The following GRIN2B variants were observed in gnomAD, a reference collection of about 807,000 sequenced individuals.
GRIN2B encodes the protein glutamate ionotropic receptor NMDA type subunit 2B.
A neutral mutation model predicts 114.5 loss-of-function variants in GRIN2B; 5 were observed. The ratio of observed to expected loss-of-function variants is 0.04; its 90% CI spans 0.02 to 0.09. The LOEUF (loss-of-function observed/expected upper bound fraction) is 0.09. Ranked by LOEUF, GRIN2B falls within the 10% of genes least tolerant of loss-of-function variation. The probability of loss-of-function intolerance (pLI) is 1.00; values close to 1 mark genes in which losing one functional copy is unlikely to be tolerated. For missense variants in GRIN2B, 1,108 were observed against 1,943.5 expected, an observed-to-expected ratio of 0.57 and a Z score of 8.08; for synonymous variants, 787 against 745.1, an observed-to-expected ratio of 1.06 and a Z score of -0.92.
At chr12:13,637,305 A>G (rs1274014827) in intron 5 of GRIN2B, among the ~76,000 whole-genome samples, 2 of 152,196 alleles carry the variant, frequency 1.3e-5, no homozygotes, top group African/African-American at 2.4e-5. Context: ...CTGATGTTTC[A>G]GTGGAAACCT....
intron 4 of GRIN2B, among the ~76,000 whole-genome samples, chr12:13,709,897 C>T (rs919570264): frequency 6.6e-6 from 1 of 151,878 alleles, no homozygotes; most frequent in African/African-American, 2.4e-5. Context: ...TGTACCTATC[C>T]TATAACCAAT....
chr12:13,893,517 G>T (rs576038298), intron 2 of GRIN2B, among the ~76,000 whole-genome samples: 14 of 152,154 alleles, frequency 9.2e-5, no homozygotes, highest in Non-Finnish European at 1.3e-4. Context: ...GATGATAAAT[G>T]TTCATAAATT....
chr12:13,570,104 C>T (rs1043594040), intron 11 of GRIN2B, 87 bp from the exon 12 acceptor site: 1 of 905,386 alleles, frequency 1.1e-6, no homozygotes, highest in Non-Finnish European at 1.8e-6. Flanking sequence ...CAGTAGGGTT[C>T]CAGAAAACTA....
chr12:13,855,566 T>A (rs1357411513), intron 3 of GRIN2B, among the ~76,000 whole-genome samples: 1 of 152,164 alleles, frequency 6.6e-6, no homozygotes, highest in Non-Finnish European at 1.5e-5. Flanking sequence ...CTTCCTTGCC[T>A]CTTCCAGTTT....
At chr12:13,806,162 G>T (rs1864596147) in intron 3 of GRIN2B, among the ~76,000 whole-genome samples, 1 of 151,930 alleles carries the variant, frequency 6.6e-6, no homozygotes, top group Non-Finnish European at 1.5e-5. Flanking sequence ...CCATATCTTG[G>T]CTACTGTGAA....
At chr12:13,976,534 G>A (rs775744422) in intron 2 of GRIN2B, among the ~76,000 whole-genome samples, 7 of 152,240 alleles carry the variant, frequency 4.6e-5, no homozygotes, top group East Asian at 1.9e-4. Flanking sequence ...CAAGACTATC[G>A]TTTGGAACAA....
rs965513077 is a variant in GRIN2B, at chr12:13,545,402, G to A, written c.*17381C>T. On this transcript the variant is annotated 3_prime_UTR_variant, in exon 14 of 14. Coordinates refer to ENST00000609686, the MANE Select transcript of GRIN2B (RefSeq NM_000834.5). ...AGAGGGTATGGACTTTGTGTGGTTC[G>A]TTCTTATATTCCAGCACCTAGAACA... The A allele has an allele frequency of 1.3e-5, 2 of 152,042 alleles. No individual in the cohort carries two copies. The highest frequency in any genetic ancestry group is 1.9e-4 in the East Asian group (1 of 5,194). 9.4% of individuals were successfully genotyped at this position (152,042 alleles called of 1,614,324 possible).
intron 2 of GRIN2B, among the ~76,000 whole-genome samples, chr12:13,964,585 A>T (rs756908878): frequency 6.6e-6 from 1 of 152,262 alleles, no homozygotes; most frequent in Non-Finnish European, 1.5e-5. Context: ...TTAACCTGCC[A>T]TTCATAGATG....
At chr12:13,974,957 G>A (rs1376393535) in intron 2 of GRIN2B, among the ~76,000 whole-genome samples, 1 of 152,114 alleles carries the variant, frequency 6.6e-6, no homozygotes, top group African/African-American at 2.4e-5. Flanking sequence ...AAGAAAGAGA[G>A]GAATCAGTTA....
intron 4 of GRIN2B, among the ~76,000 whole-genome samples, chr12:13,717,298 G>A (rs1950464529): frequency 6.6e-6 from 1 of 151,164 alleles, no homozygotes; most frequent in African/African-American, 2.4e-5. Flanking sequence ...AGGCAATTCT[G>A]GGTAATAAAA....
intron 3 of GRIN2B, among the ~76,000 whole-genome samples, chr12:13,779,381 T>C (rs1332129367): frequency 6.6e-6 from 1 of 152,196 alleles, no homozygotes; most frequent in East Asian, 1.9e-4. Context: ...TTTGGTTTTG[T>C]TTTGTTTTTG....
rs572885917 is a variant in GRIN2B, at chr12:13,744,279, T to C, written c.1010+9038A>G. ...CTTTCTCATGTAATCATCTAAATAGTCTCAGCAATAGAAAGCATTAGAGAA... is the reference window on the plus strand; with the variant it reads ...CTTTCTCATGTAATCATCTAAATAGCCTCAGCAATAGAAAGCATTAGAGAA... On this transcript the variant is annotated intron_variant, in intron 4 of 13. Transcript: ENST00000609686. Among the ~76,000 whole-genome samples the C allele has an allele frequency of 1.2e-3, 179 of 152,348 alleles. 4 individuals are homozygous for C. Among genetic ancestry groups the C allele is most frequent in the South Asian group, 6.4e-3 (31 of 4,830 alleles).
rs142195408 is a variant in GRIN2B, at chr12:13,608,122, T to G, written c.2010+481A>C. 7.2e-5 allele frequency among the ~76,000 whole-genome samples: 11 copies of G among 152,272 alleles called. No individual in the cohort carries two copies. The East Asian group carries it at 2.1e-3, about 29-fold the overall frequency. On this transcript the variant is annotated intron_variant, in intron 10 of 13. Coordinates refer to ENST00000609686, the MANE Select transcript of GRIN2B (RefSeq NM_000834.5). ...CCAGTTAAACAGCAGTTACTTCTCTTCAAGACACAATGCTTCTTCCTGCTC... is the reference window on the plus strand; with the variant it reads ...CCAGTTAAACAGCAGTTACTTCTCTGCAAGACACAATGCTTCTTCCTGCTC...
chr12:13,810,472 G>A (rs539535961), intron 3 of GRIN2B, among the ~76,000 whole-genome samples: 2 of 152,150 alleles, frequency 1.3e-5, no homozygotes, highest in African/African-American at 4.8e-5. Context: ...CCTATAATGG[G>A]CACTCAGGAA....
At chr12:13,716,150 T>G (rs74065247) in intron 4 of GRIN2B, among the ~76,000 whole-genome samples, 1,727 of 151,990 alleles carry the variant, frequency 0.011, 34 homozygotes, top group African/African-American at 0.039. Context: ...ATATCCCCAA[T>G]TTATAATACC....
At position 13,927,983 on chromosome 12, in the gene GRIN2B, G is replaced by T. The variant is rs866486898; in HGVS notation, c.-19+51945C>A. On this transcript the variant is annotated intron_variant, in intron 2 of 13. Coordinates refer to ENST00000609686, the MANE Select transcript of GRIN2B (RefSeq NM_000834.5). ...CCCTGTCTCAAAAAAAAAAAAAAAAGGGGGGGTATGCTGTGGAAAGGATGA... is the reference window on the plus strand; with the variant it reads ...CCCTGTCTCAAAAAAAAAAAAAAAATGGGGGGTATGCTGTGGAAAGGATGA... Among the ~76,000 whole-genome samples the T allele has an allele frequency of 1.8e-4, 4 of 22,770 alleles. No individual in the cohort carries two copies. In the South Asian group the frequency reaches 7.3e-3, roughly 42 times the overall value. The allele number at this position is 22,770 out of a possible 152,430, so 14.9% of individuals were successfully genotyped here.
Position 13,726,394 on chromosome 12 carries a change from G to C in GRIN2B, c.1010+26923C>G, listed in dbSNP as rs1387348013. Among the ~76,000 whole-genome samples, 3 of 151,794 alleles carry C rather than the reference G, an allele frequency of 2.0e-5. No individual in the cohort carries two copies. The East Asian group carries it at 5.9e-4, about 30-fold the overall frequency. On this transcript the variant is annotated intron_variant, in intron 4 of 13. Coordinates refer to ENST00000609686, the MANE Select transcript of GRIN2B (RefSeq NM_000834.5). ...TACTAAAAATACAAAAATTAGCCAGGCATGGTGGCGGCCACCTGTAATCCC... is the reference window on the plus strand; with the variant it reads ...TACTAAAAATACAAAAATTAGCCAGCCATGGTGGCGGCCACCTGTAATCCC...
chr12:13,565,836 A>G (rs1300002049), intron 13 of GRIN2B, among the ~76,000 whole-genome samples: 2 of 152,240 alleles, frequency 1.3e-5, no homozygotes, highest in Non-Finnish European at 2.9e-5. Context: ...GGCATCAGCA[A>G]GATGGAAGAT....
intron 5 of GRIN2B, among the ~76,000 whole-genome samples, chr12:13,659,226 T>A (rs759655600): frequency 1.3e-5 from 2 of 152,218 alleles, no homozygotes; most frequent in African/African-American, 2.4e-5. Context: ...ACTAATTTTG[T>A]TCCTTGTTTT....
Sources: allele counts gnomAD v4.1 joint callset (sites outside exome capture counted in the v4.1 genomes callset), GRCh38; gene constraint gnomAD v4.1.1; transcripts MANE v1.5; gene names NCBI Gene and HGNC (gene_info 2026-07-23, HGNC 2026-07-21).